The following PKD2L1 variants were observed in gnomAD, a reference collection of about 807,000 sequenced individuals.
The protein encoded by PKD2L1 is polycystin 2 like 1, transient receptor potential cation channel.
A neutral mutation model predicts 93.0 loss-of-function variants in PKD2L1; 77 were observed. The ratio of observed to expected loss-of-function variants is 0.83; its 90% confidence interval spans 0.69 to 1.00. The LOEUF (loss-of-function observed/expected upper bound fraction) is 1.00, where lower values mean the gene tolerates loss of function less well. Ranked by LOEUF, PKD2L1 falls within the 50% of genes least tolerant of loss-of-function variation. PKD2L1 has a pLI of 0.00. For missense variants in PKD2L1, 977 were observed against 990.9 expected (o/e 0.99, Z 0.19); for synonymous variants, 390 against 388.0 (o/e 1.01, Z -0.06).
chr10:100,288,194 G>T lies in PKD2L1; in HGVS notation c.*202C>A. 1 of 518,402 alleles carries T rather than the reference G, an allele frequency of 1.9e-6. No individual in the cohort carries two copies. The highest frequency in any genetic ancestry group is 3.5e-6 in the Non-Finnish European group (1 of 288,978). 32.1% of individuals were successfully genotyped at this position (518,402 alleles called of 1,614,324 possible). A position where few individuals can be genotyped will look rare whatever the true frequency, so the allele number is the denominator to read the frequency against. On this transcript the variant is annotated 3_prime_UTR_variant, in exon 16 of 16. Transcript: ENST00000318222. Reference sequence around the variant, plus strand: ...GATAGCCACCATGGAAACCCACATGGTCTTATGGAAGAATAATGTCAGAAC... The same window carrying T: ...GATAGCCACCATGGAAACCCACATGTTCTTATGGAAGAATAATGTCAGAAC...
rs769996798 is a variant in PKD2L1, at chr10:100,298,596, C to G, written c.697G>C (p.Glu233Gln). 5.6e-6 allele frequency: 9 copies of G among 1,614,012 alleles called. No homozygotes were observed. The East Asian group carries it at 6.7e-5, about 12-fold the overall frequency. ...TTGAAGGGCCCAAAGGGGAGTTGTT[C>G]TTCTTTGTCTGGAGAGTAGACATCA... ...CYDVYSPDKEEQLPFGPFNGT... is the reference protein window; with the variant it reads ...CYDVYSPDKEQQLPFGPFNGT... Residue 233 changes from glutamate (E) to glutamine (Q), a missense_variant, in exon 4 of 16, where the codon GAA becomes CAA. By Grantham distance (29) the Glu-to-Gln change is conservative. Coordinates refer to ENST00000318222, the MANE Select transcript of PKD2L1 (RefSeq NM_016112.3).
intron 14 of PKD2L1, 101 bp downstream of exon 14, chr10:100,289,914 A>G: frequency 7.5e-7 from 1 of 1,329,694 alleles, no homozygotes; most frequent in South Asian, 1.2e-5. Context: ...GAGCCTGAAA[A>G]CATAGGTCTT....
At chr10:100,317,930 A>G (rs934131124) in intron 2 of PKD2L1, among the ~76,000 whole-genome samples, 13 of 152,080 alleles carry the variant, frequency 8.5e-5, no homozygotes, top group Admixed American at 6.5e-4. Flanking sequence ...AAAACCAAAA[A>G]TTAGCTGGGT....
At position 100,296,168 on chromosome 10, in the gene PKD2L1, T is replaced by G; in HGVS notation, c.1310A>C (p.Gln437Pro). Residue 437 changes from glutamine to proline, a missense_variant, in exon 7 of 16, where the codon CAG (glutamine) becomes CCG (proline). Coordinates refer to ENST00000318222, the MANE Select transcript of PKD2L1 (RefSeq NM_016112.3). ...GTTGACAGCATTCATGTTGTTGTACTGTGTCTGCCAGAAGGCGAGGAACTC... is the reference window on the plus strand; with the variant it reads ...GTTGACAGCATTCATGTTGTTGTACGGTGTCTGCCAGAAGGCGAGGAACTC... ...DFEFLAFWQT[Q>P]YNNMNAVNLF... is the part of the protein sequence containing the mutation. The G allele has an allele frequency of 6.2e-7, 1 of 1,612,414 alleles. No homozygotes were observed. Among genetic ancestry groups the G allele is most frequent in the Non-Finnish European group, 8.5e-7 (1 of 1,179,314 alleles).
At chr10:100,323,113 G>C (rs972745114) in intron 2 of PKD2L1, among the ~76,000 whole-genome samples, 1 of 152,064 alleles carries the variant, frequency 6.6e-6, no homozygotes, top group Non-Finnish European at 1.5e-5. Flanking sequence ...ATAAACTGAG[G>C]GCTTCCAGGG....
intron 2 of PKD2L1, among the ~76,000 whole-genome samples, chr10:100,306,281 C>G (rs1848797639): frequency 6.6e-6 from 1 of 152,182 alleles, no homozygotes; most frequent in African/African-American, 2.4e-5. Flanking sequence ...TGCAATCAGA[C>G]AAGCAATCAG....
At position 100,306,411 on chromosome 10, in the gene PKD2L1, C is replaced by T. The variant is rs558561751; in HGVS notation, c.350-6693G>A. ...CTTCCAGAGGGCTCTCAGAACTTCC[C>T]AGGGATCTCAAGATGACTTACAAAC... On this transcript the variant is annotated intron_variant, in intron 2 of 15. Coordinates refer to ENST00000318222, the MANE Select transcript of PKD2L1 (RefSeq NM_016112.3). Among the ~76,000 whole-genome samples, 34 of 152,170 alleles carry T rather than the reference C, an allele frequency of 2.2e-4. No homozygotes were observed. In the South Asian group the frequency reaches 4.2e-3, roughly 19 times the overall value.
At chr10:100,322,298 G>T (rs2133571613) in intron 2 of PKD2L1, among the ~76,000 whole-genome samples, 1 of 151,932 alleles carries the variant, frequency 6.6e-6, no homozygotes, top group East Asian at 1.9e-4. Flanking sequence ...AGGCCGAGGT[G>T]GGCCGATCAC....
chr10:100,308,402 T>G (rs1031523909), intron 2 of PKD2L1, among the ~76,000 whole-genome samples: 7 of 151,952 alleles, frequency 4.6e-5, no homozygotes, highest in African/African-American at 1.7e-4. Flanking sequence ...TGACACCATC[T>G]CGGCTCACTG....
intron 15 of PKD2L1, 106 bp from the exon 16 acceptor site, chr10:100,288,584 C>T (rs889377812): frequency 4.0e-6 from 3 of 749,366 alleles, no homozygotes; most frequent in African/African-American, 3.5e-5. Flanking sequence ...TAGATACCGC[C>T]TACTCTCTTG....
chr10:100,297,244 C>G lies in PKD2L1; in HGVS notation c.957-36G>C, dbSNP rs372400307. The G allele has an allele frequency of 1.6e-3, 2,574 of 1,597,982 alleles. 54 individuals are homozygous for G. The South Asian group carries it at 0.027, about 17-fold the overall frequency. Reference sequence around the variant, plus strand: ...AGGGGGAGATGACCTCCAGTGGAGCCTTCGCTGGGACGGCTCCTCCCACTT... The same window carrying G: ...AGGGGGAGATGACCTCCAGTGGAGCGTTCGCTGGGACGGCTCCTCCCACTT... On this transcript the variant is annotated intron_variant, in intron 5 of 15. Coordinates refer to ENST00000318222, the MANE Select transcript of PKD2L1 (RefSeq NM_016112.3).
At chr10:100,302,255 A>G (rs1289702806) in intron 2 of PKD2L1, among the ~76,000 whole-genome samples, 1 of 49,602 alleles carries the variant, frequency 2.0e-5, no homozygotes, top group Non-Finnish European at 4.7e-5. Context: ...ACACACACGC[A>G]TACACACACA....
chr10:100,326,916 A>G (rs1849392026), intron 2 of PKD2L1, among the ~76,000 whole-genome samples: 1 of 152,218 alleles, frequency 6.6e-6, no homozygotes, highest in African/African-American at 2.4e-5. Flanking sequence ...TAAGAAAAGT[A>G]CCATGATAAA....
rs61413476 is a variant in PKD2L1 at position 100,306,855 on chromosome 10, C to CAAAAAAAAAAAAAAAAAAA, written c.350-7138_350-7137insTTTTTTTTTTTTTTTTTTT. Among the ~76,000 whole-genome samples, 49 of 49,772 alleles carry CAAAAAAAAAAAAAAAAAAA rather than the reference C, an allele frequency of 9.8e-4. 1 individual carries two copies. The highest frequency in any genetic ancestry group is 2.4e-3 in the African/African-American group (21 of 8,684). 32.7% of individuals were successfully genotyped at this position (49,772 alleles called of 152,430 possible). ...CCTGGGCGAGAGAGTGAGACCCTGT[C>CAAAAAAAAAAAAAAAAAAA]AAAAAAAAAAAAAAAAAAGAAAGAG... is the stretch of plus-strand genomic sequence containing the variant. On this transcript the variant is annotated intron_variant, in intron 2 of 15. Coordinates refer to ENST00000318222, the MANE Select transcript of PKD2L1 (RefSeq NM_016112.3).
intron 2 of PKD2L1, among the ~76,000 whole-genome samples, chr10:100,300,781 C>T (rs370193959): frequency 3.3e-5 from 5 of 152,244 alleles, no homozygotes; most frequent in African/African-American, 4.8e-5. Flanking sequence ...GTAATTAATA[C>T]GTGTTTTTGT....
Position 100,290,071 on chromosome 10 carries a change from CT to C in PKD2L1, c.2193del (p.Gly732AlafsTer4), listed in dbSNP as rs1183314322. The C allele has an allele frequency of 6.2e-7, 1 of 1,614,072 alleles. No individual in the cohort carries two copies. Among genetic ancestry groups the C allele is most frequent in the Non-Finnish European group, 8.5e-7 (1 of 1,180,034 alleles). On this transcript the variant is annotated frameshift_variant, in exon 14 of 16. Transcript: ENST00000318222. LOFTEE classifies it high-confidence loss of function. Reference protein sequence around the residue: ...LEGVVSQIDAVGSKLKMLERK... With the variant: ...LEGVVSQIDAXGSKLKMLERK... ...CTCTCCAGCATTTTCAGCTTTGAGC[CT>C]ACAGCATCAATCTGGGACACTACTC...
At chr10:100,328,589 C>CT (rs1412239860) in intron 2 of PKD2L1, among the ~76,000 whole-genome samples, 2 of 51,636 alleles carry the variant, frequency 3.9e-5, no homozygotes, top group Admixed American at 2.5e-4. Flanking sequence ...TGGTTTTCCA[C>CT]TCTTTTTTTT....
intron 2 of PKD2L1, among the ~76,000 whole-genome samples, chr10:100,318,345 C>G (rs1374401220): frequency 6.6e-6 from 1 of 152,122 alleles, no homozygotes; most frequent in Admixed American, 6.5e-5. Context: ...ACAAAACTTC[C>G]TATGAATCAT....
intron 2 of PKD2L1, among the ~76,000 whole-genome samples, chr10:100,321,189 G>A (rs1849218382): frequency 6.6e-6 from 1 of 152,196 alleles, no homozygotes; most frequent in South Asian, 2.1e-4. Flanking sequence ...CACAGGCACA[G>A]TGGCTCACGC....
Sources: allele counts gnomAD v4.1 joint callset (sites outside exome capture counted in the v4.1 genomes callset), GRCh38; gene constraint gnomAD v4.1.1; transcripts MANE v1.5; gene names NCBI Gene and HGNC (gene_info 2026-07-23, HGNC 2026-07-21).